Variants in KCNIP4 observed in about 807,000 individuals in gnomAD.
KCNIP4 encodes potassium voltage-gated channel interacting protein 4, also known as Kv channel-interacting protein 4.
In KCNIP4, 12 loss-of-function variants were observed where a neutral mutation model predicts 34.0. That is an observed-to-expected ratio of 0.35 (90% confidence interval 0.23 to 0.57). The LOEUF is 0.57. Among genes scored for constraint, KCNIP4 ranks in the 20% least tolerant of loss-of-function variants. KCNIP4 has a pLI of 0.83. For synonymous variants in KCNIP4, 124 were observed against 102.2 expected, an observed-to-expected ratio of 1.21 and a Z score of -1.29; for missense variants, 238 against 311.7, an observed-to-expected ratio of 0.76 and a Z score of 1.78.
chr4:21,090,365 C>T (rs1407209237), intron 1 of KCNIP4, among the ~76,000 whole-genome samples: 1 of 152,074 alleles, frequency 6.6e-6, no homozygotes, highest in Non-Finnish European at 1.5e-5. Context: ...GAAACAAAGA[C>T]AATAGAAAAT....
At chr4:21,570,672 A>G (rs1740296741) in intron 1 of KCNIP4, among the ~76,000 whole-genome samples, 1 of 152,160 alleles carries the variant, frequency 6.6e-6, no homozygotes, top group Admixed American at 6.5e-5. Context: ...TCAATGGATT[A>G]GGAACATTAA....
intron 1 of KCNIP4, among the ~76,000 whole-genome samples, chr4:20,985,762 A>G (rs1319846939): frequency 6.6e-6 from 1 of 152,158 alleles, no homozygotes. Context: ...CAAGGAGGGA[A>G]AGTCAACTCT....
In KCNIP4 at chr4:21,106,921, T is replaced by C. The variant is rs1577702283; in HGVS notation, c.62-224212A>G. On this transcript the variant is annotated intron_variant, in intron 1 of 8. Coordinates refer to ENST00000382152, the MANE Select transcript of KCNIP4 (RefSeq NM_025221.6). ...AGTTGAGCAGTTTTGAGTGAGTTTC[T>C]TAATCCTGAGTTCTAGTTTGATTGC... Among the ~76,000 whole-genome samples the C allele has an allele frequency of 2.0e-5, 3 of 151,634 alleles. No homozygotes were observed. In the South Asian group the frequency reaches 6.2e-4, roughly 31 times the overall value.
At chr4:20,940,447 G>A (rs1731525922) in intron 1 of KCNIP4, among the ~76,000 whole-genome samples, 1 of 152,168 alleles carries the variant, frequency 6.6e-6, no homozygotes, top group Non-Finnish European at 1.5e-5. Flanking sequence ...TGACAACTTA[G>A]GAAGTGATCC....
chr4:21,185,191 A>G (rs1217608434), intron 1 of KCNIP4, among the ~76,000 whole-genome samples: 1 of 152,274 alleles, frequency 6.6e-6, no homozygotes, highest in South Asian at 2.1e-4. Context: ...AGAAGACTCC[A>G]TCTTCCTATG....
chr4:21,724,970 C>A (rs1193404162), intron 1 of KCNIP4, among the ~76,000 whole-genome samples: 1 of 152,080 alleles, frequency 6.6e-6, no homozygotes, highest in Non-Finnish European at 1.5e-5. Context: ...TTACTCTTTC[C>A]TTTCTGGAGT....
intron 1 of KCNIP4, among the ~76,000 whole-genome samples, chr4:21,646,749 G>T (rs929584735): frequency 1.8e-4 from 28 of 152,228 alleles, no homozygotes; most frequent in South Asian, 6.2e-4. Context: ...CACTATCCAT[G>T]AAGTTATTAA....
intron 1 of KCNIP4, among the ~76,000 whole-genome samples, chr4:21,064,217 T>C (rs1450759570): frequency 6.6e-6 from 1 of 152,146 alleles, no homozygotes; most frequent in Non-Finnish European, 1.5e-5. Context: ...AAATTAGATA[T>C]GTTGGCAAGA....
At chr4:21,864,755 A>G (rs1418658198) in intron 1 of KCNIP4, among the ~76,000 whole-genome samples, 1 of 152,242 alleles carries the variant, frequency 6.6e-6, no homozygotes, top group Non-Finnish European at 1.5e-5. Context: ...AGAATCCCTC[A>G]TAGTGAACAC....
At chr4:20,886,383 G>C (rs62295426) in intron 1 of KCNIP4, among the ~76,000 whole-genome samples, 14,504 of 152,212 alleles carry the variant, frequency 0.095, 844 homozygotes, top group East Asian at 0.26. Context: ...GAAGTGGCTG[G>C]AATTTGTAGG....
At chr4:20,940,794 G>A (rs976429351) in intron 1 of KCNIP4, among the ~76,000 whole-genome samples, 1 of 152,142 alleles carries the variant, frequency 6.6e-6, no homozygotes, top group Non-Finnish European at 1.5e-5. Context: ...CTTTGTCCAT[G>A]TTGTTCTGCT....
At chr4:21,467,667 A>G (rs1730107364) in intron 1 of KCNIP4, among the ~76,000 whole-genome samples, 1 of 152,166 alleles carries the variant, frequency 6.6e-6, no homozygotes, top group Non-Finnish European at 1.5e-5. Context: ...TGTTATTGGG[A>G]TTTTAATGAT....
rs369603702 is a variant in KCNIP4, at chr4:21,271,191, C to T, written c.62-388482G>A. Reference sequence around the variant, plus strand: ...TAATCTAGTCATATGATTTTTAACACACGAAATCTGAGGCATTCAGGGGTC... The same window carrying T: ...TAATCTAGTCATATGATTTTTAACATACGAAATCTGAGGCATTCAGGGGTC... On this transcript the variant is annotated intron_variant, in intron 1 of 8. Transcript: ENST00000382152. Among the ~76,000 whole-genome samples, 148 of 152,196 alleles carry T rather than the reference C, an allele frequency of 9.7e-4. 1 individual carries two copies. The highest frequency in any genetic ancestry group is 3.4e-3 in the African/African-American group (140 of 41,536).
intron 1 of KCNIP4, among the ~76,000 whole-genome samples, chr4:20,969,419 C>T (rs191312877): frequency 6.6e-6 from 1 of 152,290 alleles, no homozygotes; most frequent in East Asian, 1.9e-4. Context: ...GTCATTAGGG[C>T]TCACCTTCCA....
chr4:21,830,721 A>G (rs1450462225), intron 1 of KCNIP4, among the ~76,000 whole-genome samples: 1 of 152,062 alleles, frequency 6.6e-6, no homozygotes, highest in Non-Finnish European at 1.5e-5. Context: ...ACTTCAATAC[A>G]CATTTTCAGC....
At chr4:21,277,482 C>T (rs189823125) in intron 1 of KCNIP4, among the ~76,000 whole-genome samples, 1 of 152,116 alleles carries the variant, frequency 6.6e-6, no homozygotes, top group African/African-American at 2.4e-5. Context: ...AATAAGTAGC[C>T]ATTGTATAAT....
At chr4:21,475,360 G>A (rs1390496213) in intron 1 of KCNIP4, among the ~76,000 whole-genome samples, 1 of 152,100 alleles carries the variant, frequency 6.6e-6, no homozygotes, top group Non-Finnish European at 1.5e-5. Context: ...TGTGACAGAA[G>A]TGAAAGCGGA....
At position 21,768,445 on chromosome 4, in the gene KCNIP4, G is replaced by A. The variant is rs76199145; in HGVS notation, c.61+180126C>T. On this transcript the variant is annotated intron_variant, in intron 1 of 8. Coordinates refer to ENST00000382152, the MANE Select transcript of KCNIP4 (RefSeq NM_025221.6). ...TTATAAAGCAGGGCTTCACCTTGGT[G>A]TTGTGGTTACAATTCTGCATATCAA... Among the ~76,000 whole-genome samples the A allele has an allele frequency of 8.5e-5, 13 of 152,186 alleles. No individual in the cohort carries two copies. In the East Asian group the frequency reaches 2.5e-3, roughly 29 times the overall value.
At chr4:21,089,596 A>C (rs1746792082) in intron 1 of KCNIP4, among the ~76,000 whole-genome samples, 1 of 152,172 alleles carries the variant, frequency 6.6e-6, no homozygotes, top group South Asian at 2.1e-4. Flanking sequence ...CCTTGACTGA[A>C]AGACACATCC....
Sources: allele counts gnomAD v4.1 joint callset (sites outside exome capture counted in the v4.1 genomes callset), GRCh38; gene constraint gnomAD v4.1.1; transcripts MANE v1.5; gene names NCBI Gene and HGNC (gene_info 2026-07-23, HGNC 2026-07-21).